The following HECTD4 variants were observed in gnomAD, a reference collection of about 807,000 sequenced individuals.
HECTD4 encodes probable E3 ubiquitin-protein ligase HECTD4.
Under a neutral mutation model 471.5 loss-of-function variants are expected in HECTD4, and 114 were observed. That is an observed-to-expected ratio of 0.24 (90% confidence interval 0.21 to 0.28). The LOEUF is 0.28. HECTD4 is among the 10% of genes least tolerant of loss of function. The probability of loss-of-function intolerance (pLI) is 1.00; values close to 1 mark genes in which losing one functional copy is unlikely to be tolerated. For synonymous variants in HECTD4, 2,012 were observed against 2,256.0 expected (o/e 0.89, Z 3.07); for missense variants, 3,866 against 5,651.5 (o/e 0.68, Z 10.13).
chr12:112,273,848 C>CAT, intron 10 of HECTD4, 53 bp from the exon 11 acceptor site: 1 of 1,589,848 alleles, frequency 6.3e-7, no homozygotes, highest in Non-Finnish European at 8.6e-7. Flanking sequence ...TACCTGTATA[C>CAT]ATATTTCTCA....
At position 112,243,547 on chromosome 12, in the gene HECTD4, C is replaced by A; in HGVS notation, c.4792-28G>T. On this transcript the variant is annotated intron_variant, in intron 31 of 75. Transcript: ENST00000682272. The surrounding 1 kb of genome is among the most constrained non-coding windows in gnomAD (Gnocchi z 6.6). ...GAAACACACAAGGAGGGACACCTGA[C>A]TCCTGCTAACTGCCGCAAGACCCCG... The A allele has an allele frequency of 6.2e-7, 1 of 1,601,084 alleles. No individual in the cohort carries two copies. The highest frequency in any genetic ancestry group is 8.5e-7 in the Non-Finnish European group (1 of 1,173,446).
At position 112,204,503 on chromosome 12, in the gene HECTD4, A is replaced by C. The variant is rs369912413; in HGVS notation, c.8252T>G (p.Ile2751Ser). The change falls in exon 53 of 76, where the codon ATT (isoleucine) becomes AGT (serine). Residue 2751 changes from isoleucine to serine, a missense_variant. Ile to Ser is a moderately radical substitution (Grantham distance 142). This residue lies in a region of HECTD4 where 266 missense variants were observed against 441.6 expected (regional missense o/e 0.60). Coordinates refer to ENST00000682272, the MANE Select transcript of HECTD4 (RefSeq NM_001388303.1). ...DIKDEANKFT[I>S]DKVRKGLTVV... ...AGCAAAACCTTTTCGAACTTTATCA[A>C]TTGTGAACTTGTTTGCTTCGTCTTT... 3 of 1,613,444 alleles carry C rather than the reference A, an allele frequency of 1.9e-6. No homozygotes were observed. In the African/African-American group the frequency reaches 4.0e-5, roughly 22 times the overall value.
In HECTD4 at chr12:112,163,505, A is replaced by T. The variant is rs887449700; in HGVS notation, c.12897+37T>A. 4.6e-5 allele frequency: 66 copies of T among 1,440,526 alleles called. No individual in the cohort carries two copies. The highest frequency in any genetic ancestry group is 5.6e-5 in the Non-Finnish European group (61 of 1,090,594). 89.2% of individuals were successfully genotyped at this position (1,440,526 alleles called of 1,614,324 possible). ...TGACAGGGAGGCACGCCTGGGGCTC[A>T]CCACCTCCCCGCCCAGCCTGGCCCT... On this transcript the variant is annotated intron_variant, in intron 74 of 75. Transcript: ENST00000682272. The surrounding 1 kb of genome is among the most constrained non-coding windows in gnomAD (Gnocchi z 8.2).
At position 112,221,628 on chromosome 12, in the gene HECTD4, G is replaced by A. The variant is rs550012705; in HGVS notation, c.6971-2139C>T. Among the ~76,000 whole-genome samples the A allele has an allele frequency of 2.6e-5, 4 of 152,194 alleles. No individual in the cohort carries two copies. The East Asian group carries it at 7.7e-4, about 29-fold the overall frequency. On this transcript the variant is annotated intron_variant, in intron 44 of 75. Coordinates refer to ENST00000682272, the MANE Select transcript of HECTD4 (RefSeq NM_001388303.1). ...GGCATTATACTTGACTCAGTATCTG[G>A]GCATCAAAACTAACCTGGTGCGGTT...
Position 112,222,970 on chromosome 12 carries a change from G to A in HECTD4, c.6971-3481C>T, listed in dbSNP as rs983151484. 3.9e-5 allele frequency among the ~76,000 whole-genome samples: 6 copies of A among 152,346 alleles called. 1 individual carries two copies. In the South Asian group the frequency reaches 1.2e-3, roughly 32 times the overall value. Reference sequence around the variant, plus strand: ...GTGCATTCATGAGGCTGGGGAGGGGGATATTTTTAAAGAAGTAGCTGCTAA... The same window carrying A: ...GTGCATTCATGAGGCTGGGGAGGGGAATATTTTTAAAGAAGTAGCTGCTAA... On this transcript the variant is annotated intron_variant, in intron 44 of 75. Coordinates refer to ENST00000682272, the MANE Select transcript of HECTD4 (RefSeq NM_001388303.1).
rs758470017 is a variant in HECTD4, at chr12:112,184,168, G to A, written c.10779+19C>T. The A allele has an allele frequency of 3.1e-5, 49 of 1,581,324 alleles. No individual in the cohort carries two copies. Among genetic ancestry groups the A allele is most frequent in the Non-Finnish European group, 2.8e-5 (33 of 1,159,008 alleles). ...AATGGGTCATGATTTAGTGGTTGCA[G>A]AGGCTTGAAAGCTGTTACCTCCACG... On this transcript the variant is annotated intron_variant, in intron 61 of 75. Coordinates refer to ENST00000682272, the MANE Select transcript of HECTD4 (RefSeq NM_001388303.1). The surrounding 1 kb of genome is among the most constrained non-coding windows in gnomAD (Gnocchi z 9.1).
At chr12:112,189,941 CA>C (rs2032023172) in intron 60 of HECTD4, among the ~76,000 whole-genome samples, 1 of 152,118 alleles carries the variant, frequency 6.6e-6, no homozygotes. Flanking sequence ...TTAGTAGAGA[CA>C]GGGTTTCATC....
intron 64 of HECTD4, among the ~76,000 whole-genome samples, chr12:112,177,374 G>GT: frequency 6.8e-6 from 1 of 147,022 alleles, no homozygotes; most frequent in African/African-American, 2.6e-5. Flanking sequence ...ATGTTATGAG[G>GT]CTATTTTTTT....
chr12:112,326,610 G>T (rs1016947672), intron 1 of HECTD4, among the ~76,000 whole-genome samples: 1 of 152,200 alleles, frequency 6.6e-6, no homozygotes, highest in African/African-American at 2.4e-5. Context: ...AGCCAGCCAT[G>T]ATGTGAAATG....
chr12:112,309,425 T>C, intron 5 of HECTD4, 136 bp downstream of exon 5: 1 of 504,122 alleles, frequency 2.0e-6, no homozygotes, highest in Non-Finnish European at 3.5e-6. Context: ...ATTGGAATTA[T>C]TTGAATTAGT....
intron 1 of HECTD4, among the ~76,000 whole-genome samples, chr12:112,363,517 T>A (rs1262235269): frequency 6.6e-6 from 1 of 152,174 alleles, no homozygotes; most frequent in Admixed American, 6.5e-5. Context: ...CACTACTTGA[T>A]CATAGAACAA....
At chr12:112,361,102 C>T (rs779323168) in intron 1 of HECTD4, among the ~76,000 whole-genome samples, 3 of 151,996 alleles carry the variant, frequency 2.0e-5, no homozygotes, top group East Asian at 1.9e-4. Flanking sequence ...TGTTCATCCG[C>T]GACAATACAC....
At chr12:112,266,208 A>AT (rs1296081112) in intron 14 of HECTD4, among the ~76,000 whole-genome samples, 1 of 152,178 alleles carries the variant, frequency 6.6e-6, no homozygotes, top group Non-Finnish European at 1.5e-5. Flanking sequence ...ATGAAGTGTG[A>AT]TTTTTTATTC....
At chr12:112,222,200 C>T (rs1265702722) in intron 44 of HECTD4, among the ~76,000 whole-genome samples, 1 of 152,122 alleles carries the variant, frequency 6.6e-6, no homozygotes, top group African/African-American at 2.4e-5. Context: ...AGATTACAGG[C>T]GTGAGCCATT....
chr12:112,162,123 T>G lies in HECTD4; in HGVS notation c.*264A>C. On this transcript the variant is annotated 3_prime_UTR_variant, in exon 76 of 76. Coordinates refer to ENST00000682272, the MANE Select transcript of HECTD4 (RefSeq NM_001388303.1). The surrounding 1 kb of genome is among the most constrained non-coding windows in gnomAD (Gnocchi z 5.2). ...CCATGAGGGACAATGTCCAAGAAGA[T>G]CAAATTAGACACAAACTGTCTGGGA... 1 of 412,518 alleles carries G rather than the reference T, an allele frequency of 2.4e-6. No homozygotes were observed. Among genetic ancestry groups the G allele is most frequent in the East Asian group, 4.3e-5 (1 of 23,008 alleles). The allele number at this position is 412,518 out of a possible 1,614,324, so 25.6% of individuals were successfully genotyped here.
Position 112,161,094 on chromosome 12 carries a change from A to G in HECTD4, c.*1293T>C, listed in dbSNP as rs2030672644. On this transcript the variant is annotated 3_prime_UTR_variant, in exon 76 of 76. Coordinates refer to ENST00000682272, the MANE Select transcript of HECTD4 (RefSeq NM_001388303.1). ...GCATCCACACTCCAAAACCTTCTAG[A>G]CAGCACTCACTCAAAACTTCCAATA... 1 of 152,196 alleles carries G rather than the reference A, an allele frequency of 6.6e-6. No homozygotes were observed. The highest frequency in any genetic ancestry group is 6.5e-5 in the Admixed American group (1 of 15,276). The allele number at this position is 152,196 out of a possible 1,614,324, so 9.4% of individuals were successfully genotyped here.
At chr12:112,329,740 A>T (rs1376305483) in intron 1 of HECTD4, among the ~76,000 whole-genome samples, 1 of 152,170 alleles carries the variant, frequency 6.6e-6, no homozygotes, top group East Asian at 1.9e-4. Flanking sequence ...CATGTTACAA[A>T]ATCATTTTTT....
In HECTD4 at chr12:112,264,078, G is replaced by GT; in HGVS notation, c.2748+5dup. On this transcript the variant is annotated splice_donor_region_variant and intron_variant, in intron 17 of 75. Transcript: ENST00000682272. Reference sequence around the variant, plus strand: ...ACGCATCGTTAAAATAAAGCTTGGTGTTTACCTGTACCTTCAATGTCTCTC... The same window carrying GT: ...ACGCATCGTTAAAATAAAGCTTGGTGTTTTACCTGTACCTTCAATGTCTCTC... 2 of 1,607,632 alleles carry GT rather than the reference G, an allele frequency of 1.2e-6. No homozygotes were observed. Among genetic ancestry groups the GT allele is most frequent in the Non-Finnish European group, 1.7e-6 (2 of 1,177,038 alleles).
intron 49 of HECTD4, among the ~76,000 whole-genome samples, chr12:112,211,488 G>A (rs2135544253): frequency 6.6e-6 from 1 of 151,800 alleles, no homozygotes; most frequent in Middle Eastern, 3.4e-3. Context: ...TGTGGTTGCT[G>A]GGTTGAAAAG....
Sources: gnomAD v4.1 joint callset for allele counts (sites outside exome capture counted in the v4.1 genomes callset) on GRCh38, gnomAD v4.1.1 for gene constraint, gnomAD v4.1.1 regional missense constraint, Gnocchi (gnomAD v3.1) non-coding constraint, MANE v1.5 for transcripts, NCBI Gene and HGNC (gene_info 2026-07-23, HGNC 2026-07-21) for gene names.